Variants in ITGBL1 observed in about 807,000 individuals in gnomAD.
ITGBL1 encodes the protein integrin beta-like protein 1.
ITGBL1 carries 51 observed loss-of-function variants against 68.5 expected under a neutral mutation model. The observed-to-expected ratio is 0.74, with a 90% CI of 0.59 to 0.94. The LOEUF (loss-of-function observed/expected upper bound fraction) is 0.94. Among genes scored for constraint, ITGBL1 ranks in the 40% least tolerant of loss-of-function variants. ITGBL1 has a pLI of 0.00. For synonymous variants in ITGBL1, 209 were observed against 227.3 expected (o/e 0.92, Z 0.72); for missense variants, 649 against 647.4 (o/e 1.00, Z -0.03).
intron 7 of ITGBL1, among the ~76,000 whole-genome samples, chr13:101,622,506 G>A (rs2031623081): frequency 6.6e-6 from 1 of 152,040 alleles, no homozygotes; most frequent in Non-Finnish European, 1.5e-5. Flanking sequence ...CTAAACCGGT[G>A]CGCACTTTTA....
chr13:101,581,011 A>G (rs1594903164), intron 5 of ITGBL1, among the ~76,000 whole-genome samples: 2 of 151,072 alleles, frequency 1.3e-5, no homozygotes, highest in African/African-American at 2.4e-5. Context: ...GAGATGAGTC[A>G]TTTTTTTTTC....
intron 2 of ITGBL1, among the ~76,000 whole-genome samples, chr13:101,518,166 C>G (rs973893070): frequency 6.6e-6 from 1 of 152,124 alleles, no homozygotes; most frequent in Admixed American, 6.5e-5. Flanking sequence ...TCAGTACAAC[C>G]GATGTTTCCT....
intron 2 of ITGBL1, among the ~76,000 whole-genome samples, chr13:101,518,132 C>T (rs1037665254): frequency 6.6e-6 from 1 of 152,156 alleles, no homozygotes; most frequent in Non-Finnish European, 1.5e-5. Flanking sequence ...AGAAAGGAAC[C>T]AATCATTAAA....
intron 2 of ITGBL1, among the ~76,000 whole-genome samples, chr13:101,541,174 G>A (rs961055277): frequency 1.5e-4 from 22 of 149,886 alleles, no homozygotes; most frequent in Non-Finnish European, 2.5e-4. Flanking sequence ...CATTCAGTAT[G>A]ATATTGGCTG....
At chr13:101,666,337 T>G (rs1249137617) in intron 7 of ITGBL1, among the ~76,000 whole-genome samples, 3 of 152,082 alleles carry the variant, frequency 2.0e-5, no homozygotes, top group Non-Finnish European at 4.4e-5. Context: ...AGTGAGTTCT[T>G]TTGACTTGAC....
rs1167786574 is a variant in ITGBL1, at chr13:101,683,880, T to G, written c.1016-8705T>G. ...ACAATCCCATTTGCTGAAGTGCCCA[T>G]TCAGATCTCCTGCCCATGTCTTTAA... On this transcript the variant is annotated intron_variant, in intron 7 of 10. Coordinates refer to ENST00000376180, the MANE Select transcript of ITGBL1 (RefSeq NM_004791.3). Among the ~76,000 whole-genome samples, 7 of 152,006 alleles carry G rather than the reference T, an allele frequency of 4.6e-5. No homozygotes were observed. In the East Asian group the frequency reaches 1.3e-3, roughly 29 times the overall value.
At chr13:101,679,375 T>G (rs2033586437) in intron 7 of ITGBL1, among the ~76,000 whole-genome samples, 1 of 152,234 alleles carries the variant, frequency 6.6e-6, no homozygotes. Context: ...AATGAAATCA[T>G]TAAAGTCAAT....
intron 3 of ITGBL1, among the ~76,000 whole-genome samples, chr13:101,570,428 T>G (rs2050253775): frequency 6.6e-6 from 1 of 152,180 alleles, no homozygotes. Flanking sequence ...CAGCCCTGAT[T>G]CCTTTTAGTG....
At chr13:101,679,154 C>T (rs371058283) in intron 7 of ITGBL1, among the ~76,000 whole-genome samples, 3 of 152,224 alleles carry the variant, frequency 2.0e-5, no homozygotes, top group East Asian at 1.9e-4. Flanking sequence ...GATCTGCCCT[C>T]CTCAGCCTCC....
At chr13:101,472,511 A>G (rs2048476435) in intron 2 of ITGBL1, among the ~76,000 whole-genome samples, 1 of 152,186 alleles carries the variant, frequency 6.6e-6, no homozygotes, top group Admixed American at 6.5e-5. Flanking sequence ...GAACTTCAAG[A>G]GTATTGGAAG....
chr13:101,508,223 A>G (rs1433992207), intron 2 of ITGBL1, among the ~76,000 whole-genome samples: 1 of 152,172 alleles, frequency 6.6e-6, no homozygotes, highest in Non-Finnish European at 1.5e-5. Context: ...GTCTTTCAAT[A>G]CTGTATCCTC....
intron 7 of ITGBL1, among the ~76,000 whole-genome samples, chr13:101,662,780 T>C (rs549442871): frequency 2.6e-5 from 4 of 152,280 alleles, no homozygotes; most frequent in African/African-American, 9.6e-5. Context: ...TGGTCTCACT[T>C]ATGGTTACAT....
intron 2 of ITGBL1, among the ~76,000 whole-genome samples, chr13:101,553,980 G>C (rs1165981574): frequency 6.6e-6 from 1 of 151,952 alleles, no homozygotes; most frequent in Non-Finnish European, 1.5e-5. Context: ...CTCCATGTTG[G>C]TCAGGCTGGT....
At chr13:101,628,180 T>A (rs920500241) in intron 7 of ITGBL1, among the ~76,000 whole-genome samples, 1 of 152,206 alleles carries the variant, frequency 6.6e-6, no homozygotes, top group Non-Finnish European at 1.5e-5. Flanking sequence ...TAATTTGCAT[T>A]TGCCTGATGA....
chr13:101,538,098 G>A (rs928894549), intron 2 of ITGBL1, among the ~76,000 whole-genome samples: 2 of 151,994 alleles, frequency 1.3e-5, no homozygotes, highest in African/African-American at 4.8e-5. Flanking sequence ...ATAATTTCAT[G>A]TATGTAAAAC....
At chr13:101,511,708 A>T (rs1278523704) in intron 2 of ITGBL1, among the ~76,000 whole-genome samples, 2 of 151,964 alleles carry the variant, frequency 1.3e-5, no homozygotes, top group Non-Finnish European at 2.9e-5. Flanking sequence ...TCCACAAACA[A>T]CCTGTGGTTG....
intron 7 of ITGBL1, among the ~76,000 whole-genome samples, chr13:101,677,221 G>A (rs1223579803): frequency 6.6e-6 from 1 of 152,114 alleles, no homozygotes; most frequent in Non-Finnish European, 1.5e-5. Flanking sequence ...GAAGAAAGCA[G>A]AAATTCATTT....
At chr13:101,495,159 C>T (rs1378463882) in intron 2 of ITGBL1, among the ~76,000 whole-genome samples, 1 of 152,122 alleles carries the variant, frequency 6.6e-6, no homozygotes, top group African/African-American at 2.4e-5. Context: ...ACTCTATATT[C>T]CAAATTAATT....
intron 2 of ITGBL1, among the ~76,000 whole-genome samples, chr13:101,465,639 G>A (rs1203297167): frequency 6.6e-6 from 1 of 152,180 alleles, no homozygotes; most frequent in Non-Finnish European, 1.5e-5. Flanking sequence ...TGGATTAGGA[G>A]ACAGGAGAAA....
Sources: allele counts gnomAD v4.1 joint callset (sites outside exome capture counted in the v4.1 genomes callset), GRCh38; gene constraint gnomAD v4.1.1; transcripts MANE v1.5; gene names NCBI Gene and HGNC (gene_info 2026-07-23, HGNC 2026-07-21).